HSD17B12: variants seen among roughly 807,000 people sequenced by gnomAD.
The protein encoded by HSD17B12 is very-long-chain 3-oxoacyl-CoA reductase.
A neutral mutation model predicts 39.3 loss-of-function variants in HSD17B12; 32 were observed. The observed-to-expected ratio is 0.81, with a 90% CI of 0.61 to 1.09. The LOEUF (loss-of-function observed/expected upper bound fraction) is 1.09, where lower values mean the gene tolerates loss of function less well. HSD17B12 is among the 50% of genes least tolerant of loss of function. The pLI is 0.00. For synonymous variants in HSD17B12, 150 were observed against 146.7 expected, an observed-to-expected ratio of 1.02 and a Z score of -0.16; for missense variants, 342 against 382.9, an observed-to-expected ratio of 0.89 and a Z score of 0.89.
At chr11:43,604,998 G>A in the HSD17B12 span, among the ~76,000 whole-genome samples, 3 of 152,132 alleles carry the variant, frequency 2.0e-5, no homozygotes, top group Non-Finnish European at 4.4e-5. Context: ...AAGATATGAG[G>A]ATTTGTTGTT....
intron 1 of HSD17B12, among the ~76,000 whole-genome samples, chr11:43,711,964 G>A (rs1950070834): frequency 6.6e-6 from 1 of 152,118 alleles, no homozygotes; most frequent in African/African-American, 2.4e-5. Context: ...ATCAGCAAGG[G>A]CACTGTAAAA....
chr11:43,696,893 C>T (rs34390003), intron 1 of HSD17B12, among the ~76,000 whole-genome samples: 47,315 of 151,808 alleles, frequency 0.31, 7,504 homozygotes, highest in African/African-American at 0.33. Context: ...TCATCATCCT[C>T]AGCAAACTAA....
chr11:43,834,623 G>C (rs1951350959), intron 7 of HSD17B12, among the ~76,000 whole-genome samples: 1 of 152,122 alleles, frequency 6.6e-6, no homozygotes, highest in Non-Finnish European at 1.5e-5. Context: ...CAGTCTGATA[G>C]AATATTAAAG....
chr11:43,851,648 C>T (rs1277527725), intron 9 of HSD17B12, among the ~76,000 whole-genome samples: 1 of 152,146 alleles, frequency 6.6e-6, no homozygotes, highest in Non-Finnish European at 1.5e-5. Context: ...GACCCCAGTA[C>T]TCTTCTTCGG....
chr11:43,800,188 CTTACAG>C (rs763993419), intron 4 of HSD17B12, among the ~76,000 whole-genome samples: 6 of 152,170 alleles, frequency 3.9e-5, no homozygotes, highest in Non-Finnish European at 7.3e-5. Context: ...GCAATCATAA[CTTACAG>C]TTAGTATGGA....
At chr11:43,731,622 A>G (rs1000577832) in intron 1 of HSD17B12, among the ~76,000 whole-genome samples, 2 of 152,190 alleles carry the variant, frequency 1.3e-5, no homozygotes, top group Non-Finnish European at 2.9e-5. Flanking sequence ...TTTATTTCTC[A>G]TAAAGGGTTG....
the HSD17B12 span, among the ~76,000 whole-genome samples, chr11:43,616,368 A>G: frequency 7.1e-6 from 1 of 141,124 alleles, no homozygotes; most frequent in Admixed American, 7.9e-5. Flanking sequence ...AGATAGTGCC[A>G]CTGCACTCCA....
chr11:43,628,171 C>G, the HSD17B12 span, among the ~76,000 whole-genome samples: 1 of 151,764 alleles, frequency 6.6e-6, no homozygotes, highest in African/African-American at 2.4e-5. Flanking sequence ...CTCAATGACA[C>G]CATTATTAGT....
rs10687930 is a variant in HSD17B12 at position 43,695,671 on chromosome 11, G to GTCTTCT, written c.160+14701_160+14706dup. 6.1e-3 allele frequency among the ~76,000 whole-genome samples: 909 copies of GTCTTCT among 149,658 alleles called. 6 individuals are homozygous for GTCTTCT. Among genetic ancestry groups the GTCTTCT allele is most frequent in the African/African-American group, 0.017 (717 of 41,078 alleles). ...TAGACTGAAGAGGATGTTCTAATTAGTCTTCTTCTTCTTCTTCTTCTTTTT... is the reference window on the plus strand; with the variant it reads ...TAGACTGAAGAGGATGTTCTAATTAGTCTTCTTCTTCTTCTTCTTCTTCTTCTTTTT... On this transcript the variant is annotated intron_variant, in intron 1 of 10. Coordinates refer to ENST00000278353, the MANE Select transcript of HSD17B12 (RefSeq NM_016142.3).
the HSD17B12 span, among the ~76,000 whole-genome samples, chr11:43,583,093 T>C: frequency 6.6e-6 from 1 of 152,082 alleles, no homozygotes; most frequent in Non-Finnish European, 1.5e-5. Context: ...TACATACCCC[T>C]CCTCTTCCCA....
intron 2 of HSD17B12, among the ~76,000 whole-genome samples, chr11:43,751,940 C>G (rs1317737107): frequency 6.6e-6 from 1 of 152,104 alleles, no homozygotes; most frequent in African/African-American, 2.4e-5. Context: ...AACATACAGC[C>G]CTTATGCAGG....
At chr11:43,845,119 GTGTGGCT>G (rs1335112435) in intron 9 of HSD17B12, among the ~76,000 whole-genome samples, 1 of 152,132 alleles carries the variant, frequency 6.6e-6, no homozygotes, top group Non-Finnish European at 1.5e-5. Flanking sequence ...TCAGCCTCCT[GTGTGGCT>G]AGGACCGCAG....
At chr11:43,741,221 A>G (rs1950361546) in intron 1 of HSD17B12, among the ~76,000 whole-genome samples, 1 of 152,224 alleles carries the variant, frequency 6.6e-6, no homozygotes, top group Non-Finnish European at 1.5e-5. Context: ...TTTTTACACT[A>G]ATAGTCTATG....
intron 1 of HSD17B12, among the ~76,000 whole-genome samples, chr11:43,690,398 A>ATTT (rs1303064530): frequency 3.6e-5 from 1 of 27,480 alleles, no homozygotes; most frequent in African/African-American, 2.4e-4. Flanking sequence ...ATATATATAT[A>ATTT]TATATATTTT....
intron 1 of HSD17B12, among the ~76,000 whole-genome samples, chr11:43,708,224 A>G (rs1258147813): frequency 2.6e-5 from 4 of 152,216 alleles, no homozygotes; most frequent in Non-Finnish European, 4.4e-5. Context: ...TTTTAACACA[A>G]ATAAAAGCTT....
the HSD17B12 span, among the ~76,000 whole-genome samples, chr11:43,589,913 G>C: frequency 3.3e-5 from 5 of 152,148 alleles, no homozygotes; most frequent in Admixed American, 6.5e-5. Context: ...CTGTAAAGTG[G>C]GGATATTAAA....
intron 1 of HSD17B12, among the ~76,000 whole-genome samples, chr11:43,692,287 T>C (rs1270922297): frequency 6.6e-6 from 1 of 152,220 alleles, no homozygotes; most frequent in Non-Finnish European, 1.5e-5. Flanking sequence ...CTCCTTCTTC[T>C]GAAACCTCAA....
At chr11:43,562,304 C>T in the HSD17B12 span, among the ~76,000 whole-genome samples, 2 of 152,052 alleles carry the variant, frequency 1.3e-5, no homozygotes, top group African/African-American at 4.8e-5. Context: ...GGATGGCATC[C>T]TGAGTACAGT....
chr11:43,585,608 A>G, the HSD17B12 span, among the ~76,000 whole-genome samples: 2 of 152,224 alleles, frequency 1.3e-5, no homozygotes, highest in African/African-American at 2.4e-5. Context: ...ACGTAAATTG[A>G]CTGGAATCGT....
Sources: gnomAD v4.1 joint callset for allele counts (sites outside exome capture counted in the v4.1 genomes callset) on GRCh38, gnomAD v4.1.1 for gene constraint, MANE v1.5 for transcripts, NCBI Gene and HGNC (gene_info 2026-07-23, HGNC 2026-07-21) for gene names.